GPR139: variants seen among roughly 807,000 people sequenced by gnomAD.
GPR139 encodes the protein probable G protein-coupled receptor 139.
Under a neutral mutation model 25.8 loss-of-function variants are expected in GPR139, and 12 were observed. The observed-to-expected ratio is 0.47, with a 90% CI of 0.30 to 0.75. The LOEUF (loss-of-function observed/expected upper bound fraction) is 0.75. Among genes scored for constraint, GPR139 ranks in the 30% least tolerant of loss-of-function variants. The probability of loss-of-function intolerance (pLI) is 0.07; values close to 1 mark genes in which losing one functional copy is unlikely to be tolerated. For missense variants in GPR139, 380 were observed against 450.2 expected, an observed-to-expected ratio of 0.84 and a Z score of 1.41; for synonymous variants, 184 against 179.9, an observed-to-expected ratio of 1.02 and a Z score of -0.18.
intron 1 of GPR139, 51 bp from the exon 2 acceptor site, chr16:20,032,720 T>C: frequency 1.4e-6 from 2 of 1,391,678 alleles, no homozygotes. Flanking sequence ...ATGACTTCGT[T>C]GGCTCCTATG....
rs970875570 is a variant in GPR139 at position 20,052,631 on chromosome 16, C to A, written c.128-19962G>T. Among the ~76,000 whole-genome samples, 10 of 152,002 alleles carry A rather than the reference C, an allele frequency of 6.6e-5. No individual in the cohort carries two copies. In the South Asian group the frequency reaches 8.3e-4, roughly 13 times the overall value. ...GCTAACACGGTGAAACCCCGCCTCT[C>A]CTAAAAATACAACAAATTAGCCGGG... is the stretch of plus-strand genomic sequence containing the variant. On this transcript the variant is annotated intron_variant, in intron 1 of 1. Coordinates refer to ENST00000570682, the MANE Select transcript of GPR139 (RefSeq NM_001002911.4).
intron 1 of GPR139, among the ~76,000 whole-genome samples, chr16:20,046,684 A>G (rs1351194072): frequency 6.6e-6 from 1 of 152,200 alleles, no homozygotes; most frequent in Non-Finnish European, 1.5e-5. Flanking sequence ...TCAGAGAAAC[A>G]TGCAGGGGGA....
intron 1 of GPR139, among the ~76,000 whole-genome samples, chr16:20,055,806 C>T (rs1187022284): frequency 6.6e-6 from 1 of 152,234 alleles, no homozygotes; most frequent in African/African-American, 2.4e-5. Flanking sequence ...CAGATGGGAG[C>T]ATAGGCTCTA....
chr16:20,043,165 A>G (rs950809657), intron 1 of GPR139, among the ~76,000 whole-genome samples: 3 of 152,230 alleles, frequency 2.0e-5, no homozygotes, highest in Admixed American at 2.0e-4. Flanking sequence ...GAGAAAGGTG[A>G]GTCAGCAGCC....
intron 1 of GPR139, among the ~76,000 whole-genome samples, chr16:20,067,053 G>A (rs1194740053): frequency 1.3e-5 from 2 of 152,128 alleles, no homozygotes; most frequent in Non-Finnish European, 2.9e-5. Flanking sequence ...TTATACCTGC[G>A]ATCACACAGC....
At chr16:20,041,402 T>G (rs2141204576) in intron 1 of GPR139, among the ~76,000 whole-genome samples, 1 of 151,422 alleles carries the variant, frequency 6.6e-6, no homozygotes. Context: ...AGGATGGATT[T>G]TTAGGAAGAT....
rs764984700 is a variant in GPR139, at chr16:20,031,866, C to T, written c.931G>A (p.Val311Ile). The change falls in exon 2 of 2, where the codon GTA (valine) becomes ATA (isoleucine). Residue 311 changes from valine to isoleucine, a missense_variant. Coordinates refer to ENST00000570682, the MANE Select transcript of GPR139 (RefSeq NM_001002911.4). ...AAGTTATGATTGGTGTAGAACTGTA[C>T]AGGTTGCTTCTGGCACTTGAAGAAA... Reference protein sequence around the residue: ...KAFFKCQKQPVQFYTNHNFSI... With the variant: ...KAFFKCQKQPIQFYTNHNFSI... 1.3e-5 allele frequency: 21 copies of T among 1,614,134 alleles called. No homozygotes were observed. In the East Asian group the frequency reaches 2.7e-4, roughly 21 times the overall value.
At position 20,032,200 on chromosome 16, in the gene GPR139, G is replaced by T. The variant is rs1451916218; in HGVS notation, c.597C>A (p.Phe199Leu). 6.2e-7 allele frequency: 1 copy of T among 1,614,194 alleles called. No homozygotes were observed. Among genetic ancestry groups the T allele is most frequent in the Admixed American group, 1.7e-5 (1 of 60,030 alleles). Residue 199 changes from phenylalanine (F) to leucine (L), a missense_variant, in exon 2 of 2, where the codon TTC becomes TTA. By Grantham distance (22) the Phe-to-Leu change is conservative. Transcript: ENST00000570682. ...FTVYLVPCSI[F>L]FILNSIIVYK... ...ACACAATGATTGAGTTCAAGATGAAGAAGATGGAGCAGGGCACCAGGTAGA... is the reference window on the plus strand; with the variant it reads ...ACACAATGATTGAGTTCAAGATGAATAAGATGGAGCAGGGCACCAGGTAGA...
Position 20,073,670 on chromosome 16 carries a change from C to CGG in GPR139, c.-55_-54insCC. On this transcript the variant is annotated 5_prime_UTR_variant, in exon 1 of 2. Transcript: ENST00000570682. The surrounding 1 kb of genome is among the most constrained non-coding windows in gnomAD (Gnocchi z 4.7). ...TCGCGCCCGGCCTGCCAGCCCGACT[C>CGG]TGGTCGCCGGCTCGGTGGTGGCGGC... is the stretch of plus-strand genomic sequence containing the variant. 6.7e-7 allele frequency: 1 copy of CGG among 1,497,552 alleles called. No homozygotes were observed. Among genetic ancestry groups the CGG allele is most frequent in the Non-Finnish European group, 8.9e-7 (1 of 1,124,772 alleles). The allele number at this position is 1,497,552 out of a possible 1,614,324, so 92.8% of individuals were successfully genotyped here.
intron 1 of GPR139, among the ~76,000 whole-genome samples, chr16:20,064,582 A>G (rs1248001065): frequency 1.3e-5 from 2 of 152,196 alleles, no homozygotes; most frequent in African/African-American, 2.4e-5. Context: ...ATGCATTTGA[A>G]GTGTTTTGAA....
At chr16:20,058,886 G>C (rs1458040803) in intron 1 of GPR139, among the ~76,000 whole-genome samples, 1 of 152,186 alleles carries the variant, frequency 6.6e-6, no homozygotes, top group African/African-American at 2.4e-5. Flanking sequence ...GCTACGACTG[G>C]GAGGATCACT....
chr16:20,070,351 T>C (rs2057455437), intron 1 of GPR139, among the ~76,000 whole-genome samples: 1 of 152,228 alleles, frequency 6.6e-6, no homozygotes, highest in African/African-American at 2.4e-5. Flanking sequence ...TAAGCCATTT[T>C]TACATAGATG....
rs1423525049 is a variant in GPR139 at position 20,028,977 on chromosome 16, A to T, written c.*2758T>A. Among the ~76,000 whole-genome samples the T allele has an allele frequency of 2.0e-5, 3 of 151,918 alleles. No individual in the cohort carries two copies. The highest frequency in any genetic ancestry group is 4.4e-5 in the Non-Finnish European group (3 of 67,960). On this transcript the variant is annotated 3_prime_UTR_variant, in exon 2 of 2. Transcript: ENST00000570682. ...TACAAGTTTTTAAAGTTTTAAAGTT[A>T]AAAAAAACCCATTTCATGATGTCCA...
intron 1 of GPR139, among the ~76,000 whole-genome samples, chr16:20,033,706 C>A (rs1281170685): frequency 1.3e-5 from 2 of 152,134 alleles, no homozygotes; most frequent in Non-Finnish European, 2.9e-5. Flanking sequence ...GCTACATAAT[C>A]AAAAATAATA....
rs2057280209 is a variant in GPR139, at chr16:20,029,662, A to G, written c.*2073T>C. Among the ~76,000 whole-genome samples the G allele has an allele frequency of 6.6e-6, 1 of 152,112 alleles. No individual in the cohort carries two copies. Among genetic ancestry groups the G allele is most frequent in the South Asian group, 2.1e-4 (1 of 4,824 alleles). ...AGGGAGGTGAGGGAATCTGCTTACC[A>G]TTCCACTCAATGAGCATACGCCCTG... On this transcript the variant is annotated 3_prime_UTR_variant, in exon 2 of 2. Coordinates refer to ENST00000570682, the MANE Select transcript of GPR139 (RefSeq NM_001002911.4).
chr16:20,065,764 C>T (rs1416939301), intron 1 of GPR139, among the ~76,000 whole-genome samples: 1 of 151,546 alleles, frequency 6.6e-6, no homozygotes, highest in Admixed American at 6.6e-5. Flanking sequence ...TTCCAGCTGC[C>T]CGGGAGGCTG....
intron 1 of GPR139, among the ~76,000 whole-genome samples, chr16:20,050,318 G>A (rs994665580): frequency 2.0e-5 from 3 of 152,198 alleles, no homozygotes; most frequent in African/African-American, 7.2e-5. Context: ...GCAAGAGACG[G>A]GATGGCTGTT....
intron 1 of GPR139, chr16:20,071,060 C>T (rs2057457858): frequency 1.1e-6 from 1 of 937,970 alleles, no homozygotes. Context: ...AAATGAATGT[C>T]AGGCACCAAG....
chr16:20,059,861 C>T (rs770025042), intron 1 of GPR139, among the ~76,000 whole-genome samples: 6 of 152,158 alleles, frequency 3.9e-5, no homozygotes, highest in Non-Finnish European at 7.3e-5. Flanking sequence ...GAACTCAAGC[C>T]CAGGTGTGCC....
Sources: gnomAD v4.1 joint callset for allele counts (sites outside exome capture counted in the v4.1 genomes callset) on GRCh38, gnomAD v4.1.1 for gene constraint, Gnocchi (gnomAD v3.1) non-coding constraint, MANE v1.5 for transcripts, NCBI Gene and HGNC (gene_info 2026-07-23, HGNC 2026-07-21) for gene names.